HRH1: variants seen among roughly 807,000 people sequenced by gnomAD.
The protein encoded by HRH1 is histamine H1 receptor.
Under a neutral mutation model 10.3 loss-of-function variants are expected in HRH1, and 6 were observed. The ratio of observed to expected loss-of-function variants is 0.58; its 90% CI spans 0.32 to 1.15. The LOEUF is 1.15. Among genes scored for constraint, HRH1 ranks in the 50% most tolerant of loss-of-function variants. The pLI, the probability that HRH1 is intolerant of heterozygous loss-of-function variation, is 0.05. For synonymous variants in HRH1, 242 were observed against 236.7 expected, an observed-to-expected ratio of 1.02 and a Z score of -0.21; for missense variants, 514 against 615.3, an observed-to-expected ratio of 0.84 and a Z score of 1.74.
chr3:11,180,557 G>A (rs1937332616), intron 1 of HRH1, among the ~76,000 whole-genome samples: 1 of 152,086 alleles, frequency 6.6e-6, no homozygotes, highest in Non-Finnish European at 1.5e-5. Flanking sequence ...TTCCTACAAG[G>A]CCACTGACCA....
intron 1 of HRH1, chr3:11,225,946 G>A (rs1275405882): frequency 6.6e-6 from 1 of 152,336 alleles, no homozygotes; most frequent in Admixed American, 6.5e-5. Context: ...AGGGACGGAT[G>A]AATGACTAAA....
intron 1 of HRH1, among the ~76,000 whole-genome samples, chr3:11,160,591 C>A (rs1482996491): frequency 6.6e-6 from 1 of 152,202 alleles, no homozygotes; most frequent in Admixed American, 6.5e-5. Context: ...TTTATTAAAT[C>A]TTTCTTCCTT....
upstream of HRH1, among the ~76,000 whole-genome samples, chr3:11,151,394 T>C (rs1936617590): frequency 6.6e-6 from 1 of 152,224 alleles, no homozygotes; most frequent in African/African-American, 2.4e-5. Context: ...AATCCAGGCC[T>C]ACTTCCTAAA....
chr3:11,154,322 T>G (rs1936725007), upstream of HRH1, among the ~76,000 whole-genome samples: 1 of 151,562 alleles, frequency 6.6e-6, no homozygotes, highest in Non-Finnish European at 1.5e-5. This position sits in a 1 kb window ranked among gnomAD's most constrained non-coding sequence, Gnocchi z 4.4. Context: ...GCGCCCCCTC[T>G]CTCCGCGGGG....
At position 11,137,277 on chromosome 3, in the gene HRH1, C is replaced by G. The variant is rs1172789386; in HGVS notation, c.-158C>G. 3 of 152,142 alleles carry G rather than the reference C, an allele frequency of 2.0e-5. No individual in the cohort carries two copies. The East Asian group carries it at 5.8e-4, about 29-fold the overall frequency. The allele number at this position is 152,142 out of a possible 1,614,324, so 9.4% of individuals were successfully genotyped here. On this transcript the variant is annotated 5_prime_UTR_variant, in exon 1 of 2. Transcript: ENST00000438284. Reference sequence around the variant, plus strand: ...TAGTAGCCGTAGAGAAGTTGTCCGCCAGGCAGCCCTCAATGGGATTTTTCA... The same window carrying G: ...TAGTAGCCGTAGAGAAGTTGTCCGCGAGGCAGCCCTCAATGGGATTTTTCA...
At chr3:11,230,236 T>C (rs1939003819) in intron 1 of HRH1, among the ~76,000 whole-genome samples, 1 of 152,104 alleles carries the variant, frequency 6.6e-6, no homozygotes, top group Non-Finnish European at 1.5e-5. Context: ...AGGTCTAAGG[T>C]AGTGAAAGTA....
At chr3:11,252,363 T>A (rs749638104) in intron 1 of HRH1, among the ~76,000 whole-genome samples, 11 of 152,208 alleles carry the variant, frequency 7.2e-5, no homozygotes, top group Admixed American at 2.6e-4. Flanking sequence ...TTGAGAAAGC[T>A]GCTACTTCTT....
intron 1 of HRH1, among the ~76,000 whole-genome samples, chr3:11,188,528 C>G (rs2125020237): frequency 1.3e-5 from 2 of 152,190 alleles, no homozygotes; most frequent in Middle Eastern, 6.8e-3. Context: ...GCACTGCAGC[C>G]TGGGTGACAG....
rs574629600 is a variant in HRH1 at position 11,217,154 on chromosome 3, C to T, written c.-35-41849C>T. 9.2e-5 allele frequency among the ~76,000 whole-genome samples: 14 copies of T among 151,692 alleles called. 1 individual carries two copies. The South Asian group carries it at 2.9e-3, about 32-fold the overall frequency. ...TGAGCCAAGATTGCGCCACTGCACC[C>T]CAGCCTGGGCAACAGAGGGAGAGTC... On this transcript the variant is annotated intron_variant, in intron 1 of 1. Transcript: ENST00000431010.
upstream of HRH1, among the ~76,000 whole-genome samples, chr3:11,149,859 T>A (rs933483605): frequency 2.0e-5 from 3 of 152,158 alleles, no homozygotes; most frequent in Non-Finnish European, 4.4e-5. Context: ...AAACCAAACA[T>A]CTAGCAATAG....
At chr3:11,146,122 G>T (rs933201567) in intron 1 of HRH1, among the ~76,000 whole-genome samples, 10 of 152,182 alleles carry the variant, frequency 6.6e-5, no homozygotes, top group Non-Finnish European at 1.3e-4. Context: ...TATTAAAGTT[G>T]CCAAGGAGTT....
At chr3:11,213,588 C>G (rs926730921) in intron 1 of HRH1, among the ~76,000 whole-genome samples, 1 of 152,118 alleles carries the variant, frequency 6.6e-6, no homozygotes, top group Admixed American at 6.5e-5. Flanking sequence ...TAGGTGTCCT[C>G]CTGTGATGGA....
At chr3:11,203,285 G>T (rs1937999101) in intron 1 of HRH1, among the ~76,000 whole-genome samples, 1 of 152,216 alleles carries the variant, frequency 6.6e-6, no homozygotes, top group African/African-American at 2.4e-5. Context: ...TATAATTGCT[G>T]CATGGTATGG....
chr3:11,206,838 G>A (rs1025468885), intron 1 of HRH1, among the ~76,000 whole-genome samples: 38 of 152,190 alleles, frequency 2.5e-4, no homozygotes, highest in Non-Finnish European at 5.0e-4. Flanking sequence ...CTGCACCCTC[G>A]AAGGGCACAA....
intron 1 of HRH1, among the ~76,000 whole-genome samples, chr3:11,171,278 G>T (rs1302732200): frequency 6.6e-6 from 1 of 151,990 alleles, no homozygotes; most frequent in Non-Finnish European, 1.5e-5. Flanking sequence ...CACCACACCC[G>T]GCTAATGTTG....
rs925257637 is a variant in HRH1, at chr3:11,259,100, T to G, written c.63T>G (p.Thr21=). 10 of 1,613,774 alleles carry G rather than the reference T, an allele frequency of 6.2e-6. No individual in the cohort carries two copies. The highest frequency in any genetic ancestry group is 1.7e-5 in the Admixed American group (1 of 59,932). Residue 21 remains threonine (T), a synonymous_variant, in exon 2 of 2, where the codon ACT becomes ACG. Coordinates refer to ENST00000431010, the MANE Select transcript of HRH1 (RefSeq NM_001098212.2). This position sits in a 1 kb window ranked among gnomAD's most constrained non-coding sequence, Gnocchi z 4.6. The stretch of plus-strand genomic sequence containing the variant: ...AGATGTGTGAGGGCAACAAGACCAC[T>G]ATGGCCAGCCCCCAGCTGATGCCCC... ...EDKMCEGNKT[T]MASPQLMPLV...
At chr3:11,192,683 C>T (rs948937141) in intron 1 of HRH1, among the ~76,000 whole-genome samples, 3 of 152,174 alleles carry the variant, frequency 2.0e-5, no homozygotes, top group African/African-American at 7.2e-5. Flanking sequence ...GTGTTTGAGA[C>T]CAGCCTGGGC....
At chr3:11,257,584 A>T (rs1939814806) in intron 1 of HRH1, among the ~76,000 whole-genome samples, 1 of 151,422 alleles carries the variant, frequency 6.6e-6, no homozygotes, top group South Asian at 2.1e-4. Context: ...AATCTTAAAA[A>T]CTCCTTCCAG....
intron 1 of HRH1, among the ~76,000 whole-genome samples, chr3:11,233,245 C>A (rs552288534): frequency 2.0e-4 from 31 of 152,170 alleles, no homozygotes; most frequent in African/African-American, 3.9e-4. Flanking sequence ...AATGTTAGAT[C>A]TTTTGTTATA....
Sources: gnomAD v4.1 joint callset for allele counts (sites outside exome capture counted in the v4.1 genomes callset) on GRCh38, gnomAD v4.1.1 for gene constraint, Gnocchi (gnomAD v3.1) non-coding constraint, MANE v1.5 for transcripts, NCBI Gene and HGNC (gene_info 2026-07-23, HGNC 2026-07-21) for gene names.